The following MBNL1 variants were observed in gnomAD, a reference collection of about 807,000 sequenced individuals.
MBNL1 encodes muscleblind like splicing regulator 1.
MBNL1 carries 8 observed loss-of-function variants against 42.2 expected under a neutral mutation model. The ratio of observed to expected loss-of-function variants is 0.19; its 90% CI spans 0.11 to 0.34. The LOEUF is 0.34. MBNL1 is among the 10% of genes least tolerant of loss of function. The pLI is 1.00. For missense variants in MBNL1, 309 were observed against 495.3 expected (o/e 0.62, Z 3.57); for synonymous variants, 169 against 173.9 (o/e 0.97, Z 0.22).
intron 1 of MBNL1, among the ~76,000 whole-genome samples, chr3:152,298,807 T>A (rs1044387246): frequency 1.3e-5 from 2 of 152,162 alleles, no homozygotes; most frequent in Non-Finnish European, 2.9e-5. Flanking sequence ...TTTATTCACG[T>A]GTCAGGACAG....
At chr3:152,447,821 G>C (rs774090975) in intron 6 of MBNL1, 48 bp downstream of exon 6, 67 of 1,571,400 alleles carry the variant, frequency 4.3e-5, no homozygotes, top group Non-Finnish European at 5.5e-5. Context: ...TCTACAGAGA[G>C]TCCTACTGTT....
intron 2 of MBNL1, among the ~76,000 whole-genome samples, chr3:152,318,820 A>C (rs1453602924): frequency 6.6e-6 from 1 of 152,168 alleles, no homozygotes; most frequent in African/African-American, 2.4e-5. Flanking sequence ...ATCCAGATTC[A>C]AAAAAAGACA....
chr3:152,453,050 TATA>T (rs1276107154), intron 6 of MBNL1, among the ~76,000 whole-genome samples: 1 of 151,532 alleles, frequency 6.6e-6, no homozygotes, highest in African/African-American at 2.4e-5. Flanking sequence ...ATAAATTACT[TATA>T]ATTAATAAAA....
chr3:152,290,453 G>A (rs1201954863), intron 1 of MBNL1, among the ~76,000 whole-genome samples: 3 of 152,050 alleles, frequency 2.0e-5, no homozygotes, highest in Non-Finnish European at 4.4e-5. Context: ...GAGAGGGAAA[G>A]TTGGAATAGA....
chr3:152,431,896 A>C (rs1027092793), intron 3 of MBNL1, among the ~76,000 whole-genome samples: 1 of 152,258 alleles, frequency 6.6e-6, no homozygotes, highest in Non-Finnish European at 1.5e-5. Context: ...GCAAGTTTGC[A>C]TATCAACAAA....
In MBNL1 at chr3:152,449,862, T is replaced by C. The variant is rs577339483; in HGVS notation, c.961+2089T>C. ...ACTCATGCCTGTAATCCTAGCACTT[T>C]GGGAGGCCGAGGCAGGTGGCTCACT... On this transcript the variant is annotated intron_variant, in intron 6 of 9. Transcript: ENST00000324210. 2.6e-5 allele frequency among the ~76,000 whole-genome samples: 4 copies of C among 152,284 alleles called. No individual in the cohort carries two copies. The South Asian group carries it at 6.2e-4, about 24-fold the overall frequency.
At chr3:152,253,172 A>G (rs2034917820) in intron 2 of MBNL1, among the ~76,000 whole-genome samples, 1 of 152,090 alleles carries the variant, frequency 6.6e-6, no homozygotes, top group Non-Finnish European at 1.5e-5. Flanking sequence ...CAAATTCAAC[A>G]TGTCCCACAT....
Position 152,295,250 on chromosome 3 carries a change from G to A in MBNL1, c.-789-4155G>A, listed in dbSNP as rs545222489. Among the ~76,000 whole-genome samples the A allele has an allele frequency of 6.6e-5, 10 of 152,258 alleles. 1 individual carries two copies. In the South Asian group the frequency reaches 1.9e-3, roughly 28 times the overall value. On this transcript the variant is annotated intron_variant, in intron 1 of 9. Transcript: ENST00000324210. ...ATAAATATAATCAGAACACTGATTT[G>A]CAAGCATTTTAGTAATCAAAGTATA... is the stretch of plus-strand genomic sequence containing the variant.
intron 1 of MBNL1, among the ~76,000 whole-genome samples, chr3:152,270,060 A>G (rs533708256): frequency 4.0e-4 from 61 of 152,046 alleles, no homozygotes; most frequent in Middle Eastern, 3.4e-3. Flanking sequence ...TTACAACTAC[A>G]GGGGTGTTGC....
At chr3:152,288,347 A>T (rs1226568842) in intron 1 of MBNL1, among the ~76,000 whole-genome samples, 5 of 152,104 alleles carry the variant, frequency 3.3e-5, no homozygotes, top group East Asian at 3.9e-4. Flanking sequence ...GAGACTCCCC[A>T]CTCCTGACTC....
chr3:152,385,036 A>C (rs1458560768), intron 2 of MBNL1, among the ~76,000 whole-genome samples: 1 of 152,116 alleles, frequency 6.6e-6, no homozygotes, highest in East Asian at 1.9e-4. Context: ...GTGTAACACA[A>C]GAGAGATTAT....
upstream of MBNL1, chr3:152,268,645 G>C (rs61743371): frequency 0.1 from 41,426 of 412,430 alleles, 2,359 homozygotes; most frequent in Middle Eastern, 0.15. Context: ...GATCCACGGC[G>C]CCCGCGCGGG....
At chr3:152,272,685 A>G (rs2042596057) in intron 1 of MBNL1, among the ~76,000 whole-genome samples, 1 of 152,182 alleles carries the variant, frequency 6.6e-6, no homozygotes, top group Admixed American at 6.5e-5. Context: ...TGTTTTGAAT[A>G]TTAGCAAAGG....
At chr3:152,376,484 C>T (rs938625525) in intron 2 of MBNL1, among the ~76,000 whole-genome samples, 3 of 151,958 alleles carry the variant, frequency 2.0e-5, no homozygotes, top group South Asian at 2.1e-4. Flanking sequence ...GTGGTTCATC[C>T]GTAAAATAAG....
At chr3:152,364,368 A>ACG (rs2096222317) in intron 2 of MBNL1, among the ~76,000 whole-genome samples, 1 of 152,084 alleles carries the variant, frequency 6.6e-6, no homozygotes, top group South Asian at 2.1e-4. Flanking sequence ...CACCCTTTGT[A>ACG]CTTGCTAGTA....
chr3:152,268,565 G>C (rs1425573477), upstream of MBNL1: 1 of 351,308 alleles, frequency 2.8e-6, no homozygotes, highest in Non-Finnish European at 5.7e-6. Flanking sequence ...AGGGCGTCCG[G>C]TCTGCACGCC....
intron 3 of MBNL1, among the ~76,000 whole-genome samples, chr3:152,424,288 CAGAG>C (rs201295668): frequency 1.9e-4 from 29 of 152,260 alleles, no homozygotes; most frequent in African/African-American, 6.5e-4. Context: ...AATAGACAAA[CAGAG>C]AGCCAAATCA....
exon 1 of MBNL1, chr3:152,243,900 A>C (rs1484404735): frequency 6.6e-6 from 1 of 152,204 alleles, no homozygotes; most frequent in Non-Finnish European, 1.5e-5. Flanking sequence ...CCGCCTCCTG[A>C]GTTCAAGCGA....
chr3:152,409,803 CAT>C (rs1489215477), intron 2 of MBNL1, among the ~76,000 whole-genome samples: 3 of 152,136 alleles, frequency 2.0e-5, no homozygotes, highest in Non-Finnish European at 2.9e-5. Flanking sequence ...TGCTTAATAA[CAT>C]GTGTCTTTAG....
Sources: allele counts gnomAD v4.1 joint callset (sites outside exome capture counted in the v4.1 genomes callset), GRCh38; gene constraint gnomAD v4.1.1; transcripts MANE v1.5; gene names NCBI Gene and HGNC (gene_info 2026-07-23, HGNC 2026-07-21).